EPB41L4B: variants seen among roughly 807,000 people sequenced by gnomAD.
The protein encoded by EPB41L4B is erythrocyte membrane protein band 4.1 like 4B.
A neutral mutation model predicts 112.5 loss-of-function variants in EPB41L4B; 30 were observed. The ratio of observed to expected loss-of-function variants is 0.27; its 90% CI spans 0.20 to 0.36. EPB41L4B has a LOEUF of 0.36. Ranked by LOEUF, EPB41L4B falls within the 10% of genes least tolerant of loss-of-function variation. EPB41L4B has a pLI of 1.00. For synonymous variants in EPB41L4B, 408 were observed against 439.7 expected (o/e 0.93, Z 0.90); for missense variants, 1,024 against 1,133.3 (o/e 0.90, Z 1.38).
chr9:109,209,984 T>A (rs192613734), intron 17 of EPB41L4B, among the ~76,000 whole-genome samples: 48 of 152,344 alleles, frequency 3.2e-4, no homozygotes, highest in African/African-American at 1.1e-3. Context: ...ATTCTCTGAA[T>A]CTGTTTCTTT....
intron 16 of EPB41L4B, 60 bp from the exon 17 acceptor site, chr9:109,213,878 G>A: frequency 6.7e-7 from 1 of 1,486,524 alleles, no homozygotes; most frequent in Non-Finnish European, 9.4e-7. Flanking sequence ...AGATACAGGG[G>A]AAAAGGGACA....
At chr9:109,239,300 G>A (rs1261585723) in intron 15 of EPB41L4B, among the ~76,000 whole-genome samples, 5 of 152,174 alleles carry the variant, frequency 3.3e-5, no homozygotes, top group Non-Finnish European at 7.3e-5. Context: ...GGGTAAAAAA[G>A]GGAATTCAGG....
At position 109,216,230 on chromosome 9, in the gene EPB41L4B, C is replaced by A. The variant is rs1833361435; in HGVS notation, c.1633+692G>T. On this transcript the variant is annotated intron_variant, in intron 16 of 25. Coordinates refer to ENST00000374566, the MANE Select transcript of EPB41L4B (RefSeq NM_019114.5). The stretch of plus-strand genomic sequence containing the variant: ...GTTAAGAAAGGAGGTGGAGGCGGGG[C>A]ACTGTGGCTCACGCCTGTAATCCCA... 2.0e-5 allele frequency among the ~76,000 whole-genome samples: 3 copies of A among 151,984 alleles called. No individual in the cohort carries two copies. The East Asian group carries it at 5.8e-4, about 29-fold the overall frequency.
At chr9:109,309,565 C>T (rs898899968) in intron 1 of EPB41L4B, among the ~76,000 whole-genome samples, 26 of 152,086 alleles carry the variant, frequency 1.7e-4, no homozygotes, top group Non-Finnish European at 2.4e-4. Context: ...TAAAACAAAA[C>T]ATTCCAGGAA....
In EPB41L4B at chr9:109,243,612, A is replaced by C; in HGVS notation, c.1409+6T>G. 6.2e-7 allele frequency: 1 copy of C among 1,614,092 alleles called. No individual in the cohort carries two copies. Among genetic ancestry groups the C allele is most frequent in the Non-Finnish European group, 8.5e-7 (1 of 1,179,944 alleles). ...AAGGTGCAGCTCTGGAAGCACCAGC[A>C]CTTACCTGACATTTGGAGAGTGAGG... On this transcript the variant is annotated splice_donor_region_variant and intron_variant, in intron 15 of 25. Transcript: ENST00000374566.
intron 1 of EPB41L4B, among the ~76,000 whole-genome samples, chr9:109,293,717 A>ACC (rs1332645619): frequency 4.9e-5 from 7 of 143,608 alleles, no homozygotes; most frequent in Non-Finnish European, 1.1e-4. Flanking sequence ...AAAAAAAAAA[A>ACC]AAACATAAAC....
chr9:109,221,065 G>A (rs910198297), intron 15 of EPB41L4B, among the ~76,000 whole-genome samples: 4 of 152,102 alleles, frequency 2.6e-5, no homozygotes, highest in African/African-American at 9.7e-5. Context: ...GGCAAATTTA[G>A]GTATCTGAGA....
At chr9:109,313,537 C>T (rs977937488) in intron 1 of EPB41L4B, among the ~76,000 whole-genome samples, 3 of 152,206 alleles carry the variant, frequency 2.0e-5, no homozygotes, top group East Asian at 1.9e-4. Flanking sequence ...GTCGAGACTG[C>T]CCCATAGCAG....
At chr9:109,220,891 A>ATGGAGG (rs1833551315) in intron 15 of EPB41L4B, among the ~76,000 whole-genome samples, 1 of 152,018 alleles carries the variant, frequency 6.6e-6, no homozygotes, top group African/African-American at 2.4e-5. Context: ...CAGAGTATCC[A>ATGGAGG]CCCTCTTCAT....
intron 15 of EPB41L4B, chr9:109,241,167 G>T: frequency 1.0e-6 from 1 of 985,720 alleles, no homozygotes; most frequent in Non-Finnish European, 1.2e-6. Context: ...TTTAGAGTTG[G>T]AAAGGACCTT....
At chr9:109,240,941 C>A (rs146348970) in intron 15 of EPB41L4B, 7 of 985,212 alleles carry the variant, frequency 7.1e-6, no homozygotes, top group African/African-American at 5.2e-5. Flanking sequence ...AAGATTAGTA[C>A]GACTGCTTAA....
chr9:109,258,448 C>A, intron 6 of EPB41L4B, 151 bp from the exon 7 acceptor site: 2 of 753,888 alleles, frequency 2.7e-6, no homozygotes, highest in East Asian at 2.6e-5. Context: ...TTAACTCTCA[C>A]TTGGGTAGTC....
At chr9:109,183,865 A>G (rs1223812616) in intron 23 of EPB41L4B, among the ~76,000 whole-genome samples, 2 of 152,232 alleles carry the variant, frequency 1.3e-5, no homozygotes, top group Non-Finnish European at 2.9e-5. Flanking sequence ...GGCAGGGATG[A>G]GTAAGAACAC....
At chr9:109,301,609 T>C (rs916572278) in intron 1 of EPB41L4B, among the ~76,000 whole-genome samples, 4 of 152,224 alleles carry the variant, frequency 2.6e-5, no homozygotes, top group African/African-American at 9.7e-5. Context: ...CATGGAATCA[T>C]ACAGAGGCTA....
At chr9:109,319,856 C>T (rs2119307976) in intron 1 of EPB41L4B, among the ~76,000 whole-genome samples, 1 of 152,242 alleles carries the variant, frequency 6.6e-6, no homozygotes, top group Non-Finnish European at 1.5e-5. Flanking sequence ...ACCGTGTGTA[C>T]TGGGGAGGGG....
chr9:109,205,499 GTT>G (rs1302143513), intron 18 of EPB41L4B, among the ~76,000 whole-genome samples: 3 of 152,182 alleles, frequency 2.0e-5, no homozygotes, highest in African/African-American at 7.2e-5. Flanking sequence ...ATATGTGTCA[GTT>G]TTGTTTGTTC....
intron 1 of EPB41L4B, among the ~76,000 whole-genome samples, chr9:109,286,512 C>T (rs970554727): frequency 6.6e-6 from 1 of 152,282 alleles, no homozygotes; most frequent in Non-Finnish European, 1.5e-5. Context: ...GTGGTTATAA[C>T]AGAAGACGAG....
At chr9:109,196,959 C>T (rs1278328620) in intron 20 of EPB41L4B, among the ~76,000 whole-genome samples, 2 of 152,146 alleles carry the variant, frequency 1.3e-5, no homozygotes, top group Non-Finnish European at 2.9e-5. Flanking sequence ...ACACCTTATT[C>T]CAGCCTAGGA....
chr9:109,318,149 A>AGG (rs1837701538), intron 1 of EPB41L4B, among the ~76,000 whole-genome samples: 1 of 102,966 alleles, frequency 9.7e-6, no homozygotes, highest in Non-Finnish European at 2.0e-5. Context: ...GGGGGCATAT[A>AGG]CGTGTGTGTG....
Sources: gnomAD v4.1 joint callset for allele counts (sites outside exome capture counted in the v4.1 genomes callset) on GRCh38, gnomAD v4.1.1 for gene constraint, MANE v1.5 for transcripts, NCBI Gene and HGNC (gene_info 2026-07-23, HGNC 2026-07-21) for gene names.